The following OSTM1 variants were observed in gnomAD, a reference collection of about 807,000 sequenced individuals.
OSTM1 encodes the protein osteoclastogenesis associated transmembrane protein 1, also known as osteopetrosis-associated transmembrane protein 1.
Under a neutral mutation model 35.4 loss-of-function variants are expected in OSTM1, and 26 were observed. The observed-to-expected ratio is 0.73, with a 90% CI of 0.54 to 1.02. The LOEUF is 1.02. Among genes scored for constraint, OSTM1 ranks in the 50% least tolerant of loss-of-function variants. The probability of loss-of-function intolerance (pLI) is 0.00; values close to 1 mark genes in which losing one functional copy is unlikely to be tolerated. For synonymous variants in OSTM1, 181 were observed against 165.0 expected, an observed-to-expected ratio of 1.10 and a Z score of -0.75; for missense variants, 366 against 409.6, an observed-to-expected ratio of 0.89 and a Z score of 0.92.
At position 108,074,704 on chromosome 6, in the gene OSTM1, G is replaced by C. The variant is rs950771556; in HGVS notation, c.-53C>G. On this transcript the variant is annotated 5_prime_UTR_variant, in exon 1 of 6. Coordinates refer to ENST00000193322, the MANE Select transcript of OSTM1 (RefSeq NM_014028.4). ...CACCGCCGCCTCTCCGCCCCCAGCC[G>C]GCACCGCGGACAGCCGCCGCTTCCG... is the stretch of plus-strand genomic sequence containing the variant. The C allele has an allele frequency of 3.4e-6, 5 of 1,458,778 alleles. No individual in the cohort carries two copies. The highest frequency in any genetic ancestry group is 2.8e-5 in the East Asian group (1 of 35,716). 90.4% of individuals were successfully genotyped at this position (1,458,778 alleles called of 1,614,324 possible). A position where few individuals can be genotyped will look rare whatever the true frequency, so the allele number is the denominator to read the frequency against.
rs1204561499 is a variant in OSTM1, at chr6:108,074,375, T to G, written c.277A>C (p.Asn93His). ...ECRELLLDFA[N>H]SSAELTGCLV... Reference sequence around the variant, plus strand: ...CACCCTGTCAGCTCTGCGCTGCTGTTGGCGAAGTCCAGCAGGAGCTCCCGG... The same window carrying G: ...CACCCTGTCAGCTCTGCGCTGCTGTGGGCGAAGTCCAGCAGGAGCTCCCGG... The change falls in exon 1 of 6, where the codon AAC becomes CAC. Residue 93 changes from asparagine to histidine, a missense_variant. Asn to His is a moderately conservative substitution (Grantham distance 68). Around this residue, in one of 3 missense-constraint regions of OSTM1, gnomAD observed 236 missense variants for 239.3 expected, o/e 0.99. Coordinates refer to ENST00000193322, the MANE Select transcript of OSTM1 (RefSeq NM_014028.4). 1 of 1,594,336 alleles carries G rather than the reference T, an allele frequency of 6.3e-7. No homozygotes were observed. Among genetic ancestry groups the G allele is most frequent in the African/African-American group, 1.3e-5 (1 of 74,782 alleles).
At chr6:108,050,981 C>T in intron 4 of OSTM1, 50 bp downstream of exon 4, 3 of 1,402,524 alleles carry the variant, frequency 2.1e-6, no homozygotes, top group Non-Finnish European at 3.0e-6. Flanking sequence ...ACTGAAGGTA[C>T]ATTCAATAAC....
At chr6:108,061,766 C>T (rs1235659350) in intron 2 of OSTM1, among the ~76,000 whole-genome samples, 1 of 151,746 alleles carries the variant, frequency 6.6e-6, no homozygotes, top group Non-Finnish European at 1.5e-5. Flanking sequence ...TGGTCTTGAA[C>T]TCCTGGGCTC....
intron 2 of OSTM1, 140 bp from the exon 3 acceptor site, chr6:108,054,727 A>C: frequency 2.2e-6 from 1 of 461,486 alleles, no homozygotes; most frequent in Non-Finnish European, 3.9e-6. Flanking sequence ...AAATATATGA[A>C]GCTTACTCCT....
chr6:108,068,159 C>T (rs1772413863), intron 1 of OSTM1, among the ~76,000 whole-genome samples: 1 of 152,176 alleles, frequency 6.6e-6, no homozygotes, highest in Non-Finnish European at 1.5e-5. Flanking sequence ...GCATCATGCT[C>T]TCCTCATTCT....
intron 1 of OSTM1, among the ~76,000 whole-genome samples, chr6:108,071,509 C>T (rs1333354956): frequency 8.5e-6 from 1 of 118,224 alleles, no homozygotes; most frequent in East Asian, 2.6e-4. Flanking sequence ...GGCAGGGTTT[C>T]ACCATGTTGG....
intron 1 of OSTM1, among the ~76,000 whole-genome samples, chr6:108,070,637 C>T (rs1433515756): frequency 6.6e-6 from 1 of 152,134 alleles, no homozygotes; most frequent in Non-Finnish European, 1.5e-5. Flanking sequence ...CGCCTGTAAT[C>T]CCAGCACTCT....
chr6:108,048,399 A>G (rs1772016240), intron 5 of OSTM1, among the ~76,000 whole-genome samples: 1 of 152,224 alleles, frequency 6.6e-6, no homozygotes, highest in Non-Finnish European at 1.5e-5. Flanking sequence ...CCTTAGCTGG[A>G]TGGGATCTCT....
In OSTM1 at chr6:108,074,678, C is replaced by G. The variant is rs1378593443; in HGVS notation, c.-27G>C. 3.3e-6 allele frequency: 5 copies of G among 1,509,384 alleles called. No homozygotes were observed. The Admixed American group carries it at 8.3e-5, about 25-fold the overall frequency. 93.5% of individuals were successfully genotyped at this position (1,509,384 alleles called of 1,614,324 possible). ...ACCGGGCTCACACACCCCAGGGAGC[C>G]CACCGCCGCCTCTCCGCCCCCAGCC... is the stretch of plus-strand genomic sequence containing the variant. On this transcript the variant is annotated 5_prime_UTR_variant, in exon 1 of 6. Transcript: ENST00000193322.
At chr6:108,056,197 C>T (rs1196714398) in intron 2 of OSTM1, among the ~76,000 whole-genome samples, 5 of 152,124 alleles carry the variant, frequency 3.3e-5, no homozygotes, top group Admixed American at 1.3e-4. Context: ...ACACATTTGC[C>T]CATTTAATTC....
chr6:108,074,116 C>G, intron 1 of OSTM1, 134 bp downstream of exon 1: 1 of 858,214 alleles, frequency 1.2e-6, no homozygotes. Context: ...TCTGATGACC[C>G]AACTCTACAG....
intron 1 of OSTM1, 82 bp downstream of exon 1, chr6:108,074,168 G>A (rs571294176): frequency 4.4e-6 from 6 of 1,366,250 alleles, no homozygotes; most frequent in East Asian, 4.7e-5. Flanking sequence ...GGAAACTGAG[G>A]CCCCCAGCGC....
chr6:108,070,988 A>AC (rs1407868044), intron 1 of OSTM1, among the ~76,000 whole-genome samples: 1 of 149,792 alleles, frequency 6.7e-6, no homozygotes, highest in Non-Finnish European at 1.5e-5. Context: ...GGAGATTGAG[A>AC]CCATCCTGGC....
chr6:108,065,214 C>A (rs781195530), intron 1 of OSTM1, among the ~76,000 whole-genome samples: 2 of 151,128 alleles, frequency 1.3e-5, no homozygotes, highest in Admixed American at 1.3e-4. Flanking sequence ...CAATACCAGC[C>A]ATAGAAGAAA....
chr6:108,055,101 G>A (rs1772147440), intron 2 of OSTM1, among the ~76,000 whole-genome samples: 1 of 152,148 alleles, frequency 6.6e-6, no homozygotes, highest in East Asian at 1.9e-4. Flanking sequence ...ACAAACTGGT[G>A]AGAATTTTGC....
rs1771897325 is a variant in OSTM1 at position 108,042,905 on chromosome 6, T to C, written c.*1880A>G. The C allele has an allele frequency of 6.6e-6, 1 of 152,234 alleles. No homozygotes were observed. Among genetic ancestry groups the C allele is most frequent in the African/African-American group, 2.4e-5 (1 of 41,462 alleles). 9.4% of individuals were successfully genotyped at this position (152,234 alleles called of 1,614,324 possible). On this transcript the variant is annotated 3_prime_UTR_variant, in exon 6 of 6. Coordinates refer to ENST00000193322, the MANE Select transcript of OSTM1 (RefSeq NM_014028.4). ...AATACATATAAGCTGTGTGTCAACA[T>C]TCAGTACTATGCAAATCATTTTTCA...
Position 108,042,920 on chromosome 6 carries a change from A to G in OSTM1, c.*1865T>C, listed in dbSNP as rs1020837421. On this transcript the variant is annotated 3_prime_UTR_variant, in exon 6 of 6. Coordinates refer to ENST00000193322, the MANE Select transcript of OSTM1 (RefSeq NM_014028.4). Reference sequence around the variant, plus strand: ...TGTGTCAACATTCAGTACTATGCAAATCATTTTTCAATATGACAAAATGAA... The same window carrying G: ...TGTGTCAACATTCAGTACTATGCAAGTCATTTTTCAATATGACAAAATGAA... 5 of 152,194 alleles carry G rather than the reference A, an allele frequency of 3.3e-5. No homozygotes were observed. Among genetic ancestry groups the G allele is most frequent in the Non-Finnish European group, 7.3e-5 (5 of 68,038 alleles). 9.4% of individuals were successfully genotyped at this position (152,194 alleles called of 1,614,324 possible). A position where few individuals can be genotyped will look rare whatever the true frequency, so the allele number is the denominator to read the frequency against.
At chr6:108,068,689 C>T (rs1003863871) in intron 1 of OSTM1, among the ~76,000 whole-genome samples, 1 of 152,084 alleles carries the variant, frequency 6.6e-6, no homozygotes, top group Non-Finnish European at 1.5e-5. Context: ...AATTCATCTC[C>T]CCACATATCT....
At position 108,049,316 on chromosome 6, in the gene OSTM1, G is replaced by A; in HGVS notation, c.886C>T (p.Pro296Ser). The change falls in exon 5 of 6, where the codon CCT (proline) becomes TCT (serine). Residue 296 changes from proline to serine, a missense_variant. This residue lies in a region of OSTM1 where 125 missense variants were observed against 151.7 expected (regional missense o/e 0.82). Transcript: ENST00000193322. Reference protein sequence around the residue: ...IAVSVFILFLPVVFYLSSFLH... With the variant: ...IAVSVFILFLSVVFYLSSFLH... ...AAGCTACTAAGGTAGAAGACAACAG[G>A]TAGAAAGAGAATGAACACAGAAACA... The A allele has an allele frequency of 6.2e-7, 1 of 1,612,996 alleles. No homozygotes were observed. The highest frequency in any genetic ancestry group is 8.5e-7 in the Non-Finnish European group (1 of 1,179,038).
Sources: allele counts gnomAD v4.1 joint callset (sites outside exome capture counted in the v4.1 genomes callset), GRCh38; gene constraint gnomAD v4.1.1; regional missense constraint gnomAD v4.1.1; transcripts MANE v1.5; gene names NCBI Gene and HGNC (gene_info 2026-07-23, HGNC 2026-07-21).